Variants in PDLIM5 observed in about 807,000 individuals in gnomAD.
PDLIM5 encodes the protein PDZ and LIM domain 5.
PDLIM5 carries 34 observed loss-of-function variants against 64.2 expected under a neutral mutation model. The observed-to-expected ratio is 0.53, with a 90% CI of 0.40 to 0.71. PDLIM5 has a LOEUF of 0.71. Ranked by LOEUF, PDLIM5 falls within the 30% of genes least tolerant of loss-of-function variation. The pLI is 0.00. For missense variants in PDLIM5, 683 were observed against 733.6 expected (o/e 0.93, Z 0.80); for synonymous variants, 253 against 269.1 (o/e 0.94, Z 0.59).
intron 12 of PDLIM5, among the ~76,000 whole-genome samples, chr4:94,663,335 T>A (rs1383408907): frequency 1.3e-5 from 2 of 152,176 alleles, no homozygotes. Context: ...AAAGCAGAAC[T>A]TTTAGCAGAT....
rs1302906994 is a variant in PDLIM5, at chr4:94,654,547, A to T, written c.1371A>T (p.Gly457=). 4 of 1,611,840 alleles carry T rather than the reference A, an allele frequency of 2.5e-6. No individual in the cohort carries two copies. In the Admixed American group the frequency reaches 6.7e-5, roughly 27 times the overall value. The change falls in exon 10 of 13, where the codon GGA becomes GGT. Residue 457 remains glycine, a synonymous_variant. Coordinates refer to ENST00000317968, the MANE Select transcript of PDLIM5 (RefSeq NM_006457.5). The part of the protein sequence containing the change: ...AHCKNTMAYI[G]FVEEKGALYC... ...GCAAAAATACAATGGCCTACATTGG[A>T]TTTGTAGAGGAGAAAGGAGCCCTGT...
intron 8 of PDLIM5, among the ~76,000 whole-genome samples, chr4:94,625,009 G>A (rs1171900193): frequency 1.3e-5 from 2 of 152,178 alleles, no homozygotes; most frequent in African/African-American, 4.8e-5. Context: ...AGTTATTCAG[G>A]TAATCCAATC....
intron 8 of PDLIM5, among the ~76,000 whole-genome samples, chr4:94,618,629 G>A (rs1578481032): frequency 6.6e-6 from 1 of 152,312 alleles, no homozygotes; most frequent in East Asian, 1.9e-4. Context: ...TACAGTTTAT[G>A]TAGCATAGGG....
At chr4:94,495,701 A>G (rs1313288138) in intron 2 of PDLIM5, among the ~76,000 whole-genome samples, 1 of 152,182 alleles carries the variant, frequency 6.6e-6, no homozygotes, top group African/African-American at 2.4e-5. Flanking sequence ...GGGAGGGAGG[A>G]GGCCCCCAGT....
chr4:94,567,565 A>C (rs1246582202), intron 3 of PDLIM5, among the ~76,000 whole-genome samples: 1 of 151,780 alleles, frequency 6.6e-6, no homozygotes, highest in Non-Finnish European at 1.5e-5. Flanking sequence ...AAAAATATAG[A>C]GTTTTGGTAG....
At position 94,523,813 on chromosome 4, in the gene PDLIM5, T is replaced by G; in HGVS notation, c.186T>G (p.Thr62=). 6.2e-7 allele frequency: 1 copy of G among 1,611,922 alleles called. No individual in the cohort carries two copies. The highest frequency in any genetic ancestry group is 8.5e-7 in the Non-Finnish European group (1 of 1,178,034). Reference sequence around the variant, plus strand: ...ATGGAATAAATGCACAAGGAATGACTCATCTTGAAGCCCAGAATAAGATTA... The same window carrying G: ...ATGGAATAAATGCACAAGGAATGACGCATCTTGAAGCCCAGAATAAGATTA... ...SIDGINAQGM[T]HLEAQNKIKG... is the part of the protein sequence containing the mutation. Residue 62 remains threonine (T), a synonymous_variant, in exon 3 of 13, where the codon ACT becomes ACG. Coordinates refer to ENST00000317968, the MANE Select transcript of PDLIM5 (RefSeq NM_006457.5).
At chr4:94,494,391 A>G (rs1343006712) in intron 2 of PDLIM5, among the ~76,000 whole-genome samples, 4 of 143,382 alleles carry the variant, frequency 2.8e-5, no homozygotes, top group African/African-American at 7.6e-5. Flanking sequence ...CAACACCTAA[A>G]TACAAGTTTA....
intron 1 of PDLIM5, among the ~76,000 whole-genome samples, chr4:94,454,085 A>G (rs1192685833): frequency 6.6e-6 from 1 of 152,178 alleles, no homozygotes; most frequent in Non-Finnish European, 1.5e-5. Flanking sequence ...ATTTGGGGTG[A>G]TGGGCTAGAA....
At chr4:94,564,301 A>G (rs1734102819) in intron 3 of PDLIM5, among the ~76,000 whole-genome samples, 1 of 152,062 alleles carries the variant, frequency 6.6e-6, no homozygotes, top group African/African-American at 2.4e-5. Context: ...TAAAAGACCA[A>G]TTCCTTGTAA....
chr4:94,586,933 A>G, intron 7 of PDLIM5: 1 of 1,387,148 alleles, frequency 7.2e-7, no homozygotes, highest in Non-Finnish European at 9.7e-7. Flanking sequence ...TTTTCCTTCT[A>G]TTTCTTATGA....
At chr4:94,621,669 G>A (rs375015397) in intron 8 of PDLIM5, among the ~76,000 whole-genome samples, 1 of 152,144 alleles carries the variant, frequency 6.6e-6, no homozygotes, top group Admixed American at 6.5e-5. Context: ...AACTCTTGGC[G>A]AATATAGTAC....
chr4:94,526,879 C>T (rs2110143428), intron 3 of PDLIM5, among the ~76,000 whole-genome samples: 1 of 151,182 alleles, frequency 6.6e-6, no homozygotes, highest in Admixed American at 6.6e-5. Flanking sequence ...ATTACAGGCG[C>T]ATGTCACCAT....
intron 3 of PDLIM5, among the ~76,000 whole-genome samples, chr4:94,568,134 G>C (rs1165019561): frequency 2.6e-5 from 4 of 152,160 alleles, no homozygotes; most frequent in Non-Finnish European, 5.9e-5. Flanking sequence ...AGAACGTTTG[G>C]TATAATAAAC....
intron 2 of PDLIM5, among the ~76,000 whole-genome samples, chr4:94,476,532 T>A (rs1023297133): frequency 1.3e-5 from 2 of 152,192 alleles, no homozygotes; most frequent in Non-Finnish European, 2.9e-5. Flanking sequence ...TGGACATTTT[T>A]ATGAATATTT....
intron 3 of PDLIM5, among the ~76,000 whole-genome samples, chr4:94,526,090 CTG>C (rs1359020424): frequency 1.3e-5 from 2 of 152,154 alleles, no homozygotes; most frequent in African/African-American, 4.8e-5. Flanking sequence ...CATTCTAAAA[CTG>C]AAAGTTTATT....
chr4:94,592,667 A>G (rs1188751399), intron 7 of PDLIM5, among the ~76,000 whole-genome samples: 1 of 152,134 alleles, frequency 6.6e-6, no homozygotes, highest in Non-Finnish European at 1.5e-5. Flanking sequence ...TCGCTTTGTC[A>G]CCCAGGCTAG....
intron 5 of PDLIM5, chr4:94,577,403 TAGA>T: frequency 2.2e-6 from 1 of 456,484 alleles, no homozygotes; most frequent in East Asian, 7.0e-5. Flanking sequence ...GCAGGAGCTC[TAGA>T]AGAACAGCTC....
chr4:94,608,915 A>G (rs1738140450), intron 7 of PDLIM5, among the ~76,000 whole-genome samples: 1 of 152,142 alleles, frequency 6.6e-6, no homozygotes, highest in African/African-American at 2.4e-5. Flanking sequence ...CTAACCATTC[A>G]TTAACAGTTG....
rs551348389 is a variant in PDLIM5, at chr4:94,526,065, A to G, written c.248+2190A>G. ...GAAAGCAAAACAAATAGAGATGATG[A>G]CAGGCTGTTTTACACATTCTAAAAC... is the stretch of plus-strand genomic sequence containing the variant. On this transcript the variant is annotated intron_variant, in intron 3 of 12. Coordinates refer to ENST00000317968, the MANE Select transcript of PDLIM5 (RefSeq NM_006457.5). Among the ~76,000 whole-genome samples, 6 of 152,348 alleles carry G rather than the reference A, an allele frequency of 3.9e-5. No individual in the cohort carries two copies. In the South Asian group the frequency reaches 6.2e-4, roughly 16 times the overall value.
Sources: gnomAD v4.1 joint callset for allele counts (sites outside exome capture counted in the v4.1 genomes callset) on GRCh38, gnomAD v4.1.1 for gene constraint, MANE v1.5 for transcripts, NCBI Gene and HGNC (gene_info 2026-07-23, HGNC 2026-07-21) for gene names.